SORCS3: variants seen among roughly 807,000 people sequenced by gnomAD.
SORCS3 encodes sortilin related VPS10 domain containing receptor 3.
A neutral mutation model predicts 146.3 loss-of-function variants in SORCS3; 57 were observed. The observed-to-expected ratio is 0.39, with a 90% confidence interval of 0.31 to 0.49. SORCS3 has a LOEUF of 0.49. Among genes scored for constraint, SORCS3 ranks in the 20% least tolerant of loss-of-function variants. SORCS3 has a pLI of 0.92. For synonymous variants in SORCS3, 653 were observed against 618.5 expected, an observed-to-expected ratio of 1.06 and a Z score of -0.83; for missense variants, 1,341 against 1,575.5, an observed-to-expected ratio of 0.85 and a Z score of 2.52.
chr10:104,966,699 T>C (rs1405603700), intron 3 of SORCS3, among the ~76,000 whole-genome samples: 6 of 152,152 alleles, frequency 3.9e-5, no homozygotes, highest in Admixed American at 3.9e-4. Context: ...ATCAATGATA[T>C]TGTAAGACTC....
intron 3 of SORCS3, among the ~76,000 whole-genome samples, chr10:104,920,595 A>G (rs749016226): frequency 2.0e-5 from 3 of 152,226 alleles, no homozygotes; most frequent in Non-Finnish European, 4.4e-5. Context: ...CTATATTGCT[A>G]TAAATGGTAG....
chr10:104,652,624 T>C (rs1317016868), intron 1 of SORCS3, among the ~76,000 whole-genome samples: 1 of 152,190 alleles, frequency 6.6e-6, no homozygotes, highest in Non-Finnish European at 1.5e-5. Flanking sequence ...TTAACACGCA[T>C]ACCATGGTAG....
intron 20 of SORCS3, among the ~76,000 whole-genome samples, chr10:105,230,071 G>T (rs2056758026): frequency 6.6e-6 from 1 of 152,110 alleles, no homozygotes; most frequent in South Asian, 2.1e-4. Context: ...GTAGGATGGT[G>T]GACCCAACCT....
chr10:104,945,426 T>G (rs942831500), intron 3 of SORCS3, among the ~76,000 whole-genome samples: 6 of 151,862 alleles, frequency 4.0e-5, no homozygotes, highest in Admixed American at 3.9e-4. Context: ...CCTAGCTAAT[T>G]TTTTGTATTT....
At chr10:104,832,678 A>G (rs2018014360) in intron 1 of SORCS3, among the ~76,000 whole-genome samples, 1 of 152,194 alleles carries the variant, frequency 6.6e-6, no homozygotes, top group Non-Finnish European at 1.5e-5. Context: ...AGACAGGGCC[A>G]TTGCCCTCCA....
intron 2 of SORCS3, among the ~76,000 whole-genome samples, chr10:104,908,086 G>T (rs1398059787): frequency 2.0e-5 from 3 of 152,212 alleles, no homozygotes; most frequent in African/African-American, 7.2e-5. Flanking sequence ...ATGGGCTGTG[G>T]TTCACCACAC....
At chr10:105,161,556 A>T (rs983337285) in intron 11 of SORCS3, among the ~76,000 whole-genome samples, 1 of 152,086 alleles carries the variant, frequency 6.6e-6, no homozygotes, top group Non-Finnish European at 1.5e-5. Flanking sequence ...CTGGTTGAGG[A>T]CATCTCCGAA....
At chr10:104,658,098 G>A (rs370210801) in intron 1 of SORCS3, among the ~76,000 whole-genome samples, 8 of 152,152 alleles carry the variant, frequency 5.3e-5, no homozygotes, top group Admixed American at 2.0e-4. Flanking sequence ...GTTTTGTTTT[G>A]TGTTTTCTTT....
chr10:105,237,417 T>G (rs1007445346), intron 20 of SORCS3, among the ~76,000 whole-genome samples: 1 of 152,208 alleles, frequency 6.6e-6, no homozygotes, highest in Non-Finnish European at 1.5e-5. Flanking sequence ...GAAGTATTAG[T>G]CACTGTTGTG....
intron 3 of SORCS3, among the ~76,000 whole-genome samples, chr10:104,942,794 G>A (rs1446156431): frequency 6.6e-6 from 1 of 152,204 alleles, no homozygotes; most frequent in Non-Finnish European, 1.5e-5. Flanking sequence ...ATGAGATAAA[G>A]TGTAGTTTTT....
At chr10:105,210,164 T>G (rs1389753594) in intron 16 of SORCS3, among the ~76,000 whole-genome samples, 1 of 152,160 alleles carries the variant, frequency 6.6e-6, no homozygotes, top group Admixed American at 6.5e-5. Context: ...CCACAAAATC[T>G]TGGCTCAAAG....
chr10:105,247,782 T>A (rs183316720), intron 22 of SORCS3, among the ~76,000 whole-genome samples: 87 of 152,066 alleles, frequency 5.7e-4, no homozygotes, highest in African/African-American at 1.9e-3. Context: ...AAAGCAAGAA[T>A]TGTAGGATTA....
chr10:104,987,455 A>G (rs928659337), intron 4 of SORCS3, among the ~76,000 whole-genome samples: 4 of 152,200 alleles, frequency 2.6e-5, no homozygotes, highest in Non-Finnish European at 4.4e-5. Context: ...CTCTTAAAAA[A>G]TGCTTTAGAT....
At chr10:104,736,741 T>C (rs2016777801) in intron 1 of SORCS3, among the ~76,000 whole-genome samples, 1 of 151,396 alleles carries the variant, frequency 6.6e-6, no homozygotes, top group South Asian at 2.1e-4. Flanking sequence ...GAGTCTTTCT[T>C]TGACTTCTTC....
At chr10:104,824,600 C>T (rs1294852753) in intron 1 of SORCS3, among the ~76,000 whole-genome samples, 1 of 152,110 alleles carries the variant, frequency 6.6e-6, no homozygotes, top group Non-Finnish European at 1.5e-5. Context: ...AACGCTGTCC[C>T]GGGTGCTGGA....
At chr10:104,714,767 T>G (rs1023921860) in intron 1 of SORCS3, among the ~76,000 whole-genome samples, 1 of 152,234 alleles carries the variant, frequency 6.6e-6, no homozygotes, top group African/African-American at 2.4e-5. Flanking sequence ...ATGCCAGTTT[T>G]AGATTCAGAT....
chr10:104,768,535 AT>A (rs575441477), intron 1 of SORCS3, among the ~76,000 whole-genome samples: 1 of 152,060 alleles, frequency 6.6e-6, no homozygotes, highest in Non-Finnish European at 1.5e-5. Flanking sequence ...AAGCAAAAAG[AT>A]TTTTTTCTGT....
At position 105,151,694 on chromosome 10, in the gene SORCS3, A is replaced by C. The variant is rs969206489; in HGVS notation, c.1482+3898A>C. Among the ~76,000 whole-genome samples the C allele has an allele frequency of 4.6e-5, 7 of 151,972 alleles. No homozygotes were observed. The South Asian group carries it at 8.3e-4, about 18-fold the overall frequency. On this transcript the variant is annotated intron_variant, in intron 9 of 26. Coordinates refer to ENST00000369701, the MANE Select transcript of SORCS3 (RefSeq NM_014978.3). The stretch of plus-strand genomic sequence containing the variant: ...AGCCTTGGCACTGAAAAATCCTTGG[A>C]CCAATGGAGATCAACCCCACTGAAC...
chr10:105,147,827 T>C (rs773004352), intron 9 of SORCS3, 31 bp downstream of exon 9: 2 of 1,586,890 alleles, frequency 1.3e-6, no homozygotes, highest in South Asian at 2.3e-5. Context: ...TTCCCTTGGG[T>C]CTGTCTCTCT....
Sources: gnomAD v4.1 joint callset for allele counts (sites outside exome capture counted in the v4.1 genomes callset) on GRCh38, gnomAD v4.1.1 for gene constraint, MANE v1.5 for transcripts, NCBI Gene and HGNC (gene_info 2026-07-23, HGNC 2026-07-21) for gene names.